The following RYR3 variants were observed in gnomAD, a reference collection of about 807,000 sequenced individuals.
RYR3 encodes brain ryanodine receptor-calcium release channel.
In RYR3, 207 loss-of-function variants were observed where a neutral mutation model predicts 584.3. The ratio of observed to expected loss-of-function variants is 0.35; its 90% CI spans 0.32 to 0.40. The LOEUF is 0.40. Ranked by LOEUF, RYR3 falls within the 10% of genes least tolerant of loss-of-function variation. The pLI is 1.00. For synonymous variants in RYR3, 2,416 were observed against 2,248.5 expected (o/e 1.07, Z -2.11); for missense variants, 5,616 against 6,089.2 (o/e 0.92, Z 2.59).
chr15:33,356,745 T>C (rs1974035846), intron 1 of RYR3, among the ~76,000 whole-genome samples: 1 of 152,164 alleles, frequency 6.6e-6, no homozygotes, highest in African/African-American at 2.4e-5. Context: ...TCTGTAGATT[T>C]TTTCTGTGTG....
intron 1 of RYR3, among the ~76,000 whole-genome samples, chr15:33,419,099 G>A (rs994357605): frequency 6.6e-6 from 1 of 152,114 alleles, no homozygotes; most frequent in Non-Finnish European, 1.5e-5. Flanking sequence ...GCAGGACCAA[G>A]TAGAAAGAAA....
chr15:33,488,465 T>TC (rs1325297626), intron 2 of RYR3, among the ~76,000 whole-genome samples: 3 of 139,962 alleles, frequency 2.1e-5, no homozygotes, highest in African/African-American at 8.2e-5. Flanking sequence ...TTTTTTTTTT[T>TC]CTGTGATTAG....
intron 1 of RYR3, among the ~76,000 whole-genome samples, chr15:33,425,199 A>G (rs1422834512): frequency 1.3e-5 from 2 of 152,236 alleles, no homozygotes; most frequent in Non-Finnish European, 2.9e-5. Context: ...AGTCACTTTA[A>G]TAGCCCCCTA....
At chr15:33,717,255 C>T (rs916968876) in intron 43 of RYR3, among the ~76,000 whole-genome samples, 2 of 152,160 alleles carry the variant, frequency 1.3e-5, no homozygotes, top group Non-Finnish European at 2.9e-5. Flanking sequence ...ACTTGTATAT[C>T]TTGGTTATCT....
intron 91 of RYR3, among the ~76,000 whole-genome samples, chr15:33,843,131 A>G (rs1373257749): frequency 2.0e-5 from 3 of 152,006 alleles, no homozygotes; most frequent in Non-Finnish European, 1.5e-5. Context: ...CATCCTGGCT[A>G]ACACAGTGAA....
At chr15:33,387,632 C>G (rs552572302) in intron 1 of RYR3, among the ~76,000 whole-genome samples, 2 of 144,904 alleles carry the variant, frequency 1.4e-5, no homozygotes, top group Non-Finnish European at 3.0e-5. Context: ...GAAAAGAACA[C>G]AAGATGAATA....
intron 43 of RYR3, among the ~76,000 whole-genome samples, chr15:33,711,429 G>A (rs1462048510): frequency 6.6e-6 from 1 of 151,852 alleles, no homozygotes; most frequent in Non-Finnish European, 1.5e-5. Flanking sequence ...ATTTTTAGTA[G>A]AGATGGGGTT....
rs1375153348 is a variant in RYR3, at chr15:33,580,011, C to T, written c.1304C>T (p.Pro435Leu). 1 of 1,613,164 alleles carries T rather than the reference C, an allele frequency of 6.2e-7. No individual in the cohort carries two copies. ...NNRTAAPITLPIEEVLQTLQD... is the reference protein window; with the variant it reads ...NNRTAAPITLLIEEVLQTLQD... ...CGCACAGCTGCCCCCATCACCCTGCCTATAGAAGAAGTCCTGCAGACCCTA... is the reference window on the plus strand; with the variant it reads ...CGCACAGCTGCCCCCATCACCCTGCTTATAGAAGAAGTCCTGCAGACCCTA... Residue 435 changes from proline to leucine, a missense_variant, in exon 13 of 104, where the codon CCT becomes CTT. This residue lies in a region of RYR3 where 1,284 missense variants were observed against 1,344.6 expected (regional missense o/e 0.95). Transcript: ENST00000634891.
At chr15:33,743,148 G>A (rs974783862) in intron 52 of RYR3, among the ~76,000 whole-genome samples, 3 of 152,194 alleles carry the variant, frequency 2.0e-5, no homozygotes, top group African/African-American at 7.2e-5. Context: ...CCACAGCAAA[G>A]CCACAGAAAA....
At chr15:33,396,129 G>GT (rs1308124016) in intron 1 of RYR3, among the ~76,000 whole-genome samples, 2 of 152,126 alleles carry the variant, frequency 1.3e-5, no homozygotes, top group Non-Finnish European at 2.9e-5. Context: ...AGAAGCAGGT[G>GT]TTGTCTGAAG....
At chr15:33,656,919 G>A (rs1459202574) in intron 32 of RYR3, among the ~76,000 whole-genome samples, 1 of 152,138 alleles carries the variant, frequency 6.6e-6, no homozygotes, top group African/African-American at 2.4e-5. Context: ...AGGCCAACAA[G>A]GTCTCCCTAT....
intron 52 of RYR3, among the ~76,000 whole-genome samples, chr15:33,745,740 T>C (rs1404089767): frequency 1.3e-5 from 2 of 152,212 alleles, no homozygotes; most frequent in South Asian, 2.1e-4. Context: ...CTAGCCTCTG[T>C]TCTTCCTGCG....
intron 76 of RYR3, among the ~76,000 whole-genome samples, 191 bp downstream of exon 76, chr15:33,818,875 G>A (rs536010828): frequency 1.6e-4 from 24 of 152,336 alleles, no homozygotes; most frequent in Admixed American, 7.8e-4. Flanking sequence ...TGTAATCCCA[G>A]CACTTTGGGA....
chr15:33,330,006 C>A (rs865821007), intron 1 of RYR3, among the ~76,000 whole-genome samples: 2 of 152,104 alleles, frequency 1.3e-5, no homozygotes, highest in Admixed American at 6.5e-5. Context: ...AGTGCACAAA[C>A]CCTGAGGTCC....
rs1240151384 is a variant in RYR3 at position 33,540,880 on chromosome 15, C to T, written c.636C>T (p.Ser212=). The change falls in exon 7 of 104, where the codon AGC becomes AGT. Residue 212 remains serine, a synonymous_variant. Transcript: ENST00000634891. Reference sequence around the variant, plus strand: ...TACATCCTACGTGCTCAGGAAGTAGCATCGAAGAAGGTGTGCTTCTTTAAA... The same window carrying T: ...TACATCCTACGTGCTCAGGAAGTAGTATCGAAGAAGGTGTGCTTCTTTAAA... The part of the protein sequence containing the change: ...WNVHPTCSGS[S]IEEGYLLGGH... 2 of 1,608,036 alleles carry T rather than the reference C, an allele frequency of 1.2e-6. No homozygotes were observed. The highest frequency in any genetic ancestry group is 2.2e-5 in the East Asian group (1 of 44,842).
chr15:33,780,414 C>A, intron 65 of RYR3, 73 bp downstream of exon 65: 1 of 1,509,184 alleles, frequency 6.6e-7, no homozygotes, highest in Non-Finnish European at 9.1e-7. Flanking sequence ...AGGCAGGGAG[C>A]AGCAGCCCTG....
At chr15:33,345,338 C>A (rs1206271407) in intron 1 of RYR3, among the ~76,000 whole-genome samples, 1 of 152,056 alleles carries the variant, frequency 6.6e-6, no homozygotes, top group Non-Finnish European at 1.5e-5. Context: ...TTATAATTTT[C>A]AGCAGCTACT....
Position 33,445,089 on chromosome 15 carries a change from A to C in RYR3, c.52-28330A>C, listed in dbSNP as rs187739256. 2.7e-3 allele frequency among the ~76,000 whole-genome samples: 404 copies of C among 152,310 alleles called. 3 individuals are homozygous for C. Among genetic ancestry groups the C allele is most frequent in the Middle Eastern group, 0.01 (3 of 294 alleles). On this transcript the variant is annotated intron_variant, in intron 1 of 103. Transcript: ENST00000634891. ...AGAAGAGTGGTATGATTTCATTTAC[A>C]TTTTGCAAAGATTCCATTCTTGGCC...
At chr15:33,714,557 C>T (rs1376372266) in intron 43 of RYR3, among the ~76,000 whole-genome samples, 2 of 152,266 alleles carry the variant, frequency 1.3e-5, no homozygotes, top group Non-Finnish European at 2.9e-5. Flanking sequence ...TGTGATTAAT[C>T]CCTTCCTATT....
Sources: gnomAD v4.1 joint callset for allele counts (sites outside exome capture counted in the v4.1 genomes callset) on GRCh38, gnomAD v4.1.1 for gene constraint, gnomAD v4.1.1 regional missense constraint, MANE v1.5 for transcripts, NCBI Gene and HGNC (gene_info 2026-07-23, HGNC 2026-07-21) for gene names.